Variants in CUX1 observed in about 807,000 individuals in gnomAD.
The protein encoded by CUX1 is cut like homeobox 1, also known as protein CASP.
Under a neutral mutation model 158.8 loss-of-function variants are expected in CUX1, and 31 were observed. The ratio of observed to expected loss-of-function variants is 0.20; its 90% CI spans 0.15 to 0.26. The LOEUF (loss-of-function observed/expected upper bound fraction) is 0.26. CUX1 is among the 10% of genes least tolerant of loss of function. CUX1 has a pLI of 1.00. For synonymous variants in CUX1, 879 were observed against 862.1 expected, an observed-to-expected ratio of 1.02 and a Z score of -0.34; for missense variants, 1,589 against 2,014.6, an observed-to-expected ratio of 0.79 and a Z score of 4.04.
chr7:101,879,295 C>T (rs1024493982), intron 1 of CUX1, among the ~76,000 whole-genome samples: 1 of 152,030 alleles, frequency 6.6e-6, no homozygotes, highest in African/African-American at 2.4e-5. Context: ...CCTGTCCCCC[C>T]TTCACATAGC....
At chr7:101,978,399 C>T (rs906490590) in intron 2 of CUX1, among the ~76,000 whole-genome samples, 3 of 152,200 alleles carry the variant, frequency 2.0e-5, no homozygotes, top group Non-Finnish European at 4.4e-5. Flanking sequence ...CCCCTCCTCT[C>T]CCCCGACATG....
intron 9 of CUX1, among the ~76,000 whole-genome samples, chr7:102,169,223 G>A (rs952569296): frequency 1.8e-4 from 28 of 152,016 alleles, no homozygotes; most frequent in African/African-American, 6.0e-4. Context: ...GTGAGCCACC[G>A]TACCCAGCCA....
chr7:102,056,029 C>G (rs1362774506), intron 3 of CUX1, among the ~76,000 whole-genome samples: 2 of 152,180 alleles, frequency 1.3e-5, no homozygotes, highest in Non-Finnish European at 2.9e-5. Context: ...CAAGCCAAAG[C>G]CCTGACTCTT....
intron 2 of CUX1, among the ~76,000 whole-genome samples, chr7:101,988,062 A>C (rs913419903): frequency 5.9e-5 from 9 of 152,112 alleles, no homozygotes; most frequent in African/African-American, 2.2e-4. Context: ...AAATAGAAAA[A>C]TTAGCTGGGC....
At chr7:101,909,666 C>G (rs1803195833) in intron 1 of CUX1, among the ~76,000 whole-genome samples, 1 of 152,168 alleles carries the variant, frequency 6.6e-6, no homozygotes, top group African/African-American at 2.4e-5. Context: ...CAAGAAACAT[C>G]AGATGAACTC....
At chr7:102,244,269 C>G (rs1460070155) in intron 23 of CUX1, among the ~76,000 whole-genome samples, 1 of 151,946 alleles carries the variant, frequency 6.6e-6, no homozygotes, top group East Asian at 1.9e-4. Context: ...AGTAGATTTT[C>G]TTTTCTCCTG....
intron 1 of CUX1, among the ~76,000 whole-genome samples, chr7:101,836,868 A>ATT: frequency 6.6e-6 from 1 of 152,106 alleles, no homozygotes; most frequent in South Asian, 2.1e-4. Flanking sequence ...GGGGCAGGGG[A>ATT]GACAGAGTAA....
chr7:102,263,262 G>A (rs1790547176), intron 14 of CUX1, among the ~76,000 whole-genome samples: 2 of 147,204 alleles, frequency 1.4e-5, no homozygotes, highest in African/African-American at 5.0e-5. Flanking sequence ...TGATCCACCC[G>A]CCTTGGCATC....
At position 102,166,725 on chromosome 7, in the gene CUX1, T is replaced by G. The variant is rs115913122; in HGVS notation, c.724-3721T>G. On this transcript the variant is annotated intron_variant, in intron 9 of 23. Transcript: ENST00000292535. ...CACTGCCATTAGGCCTGTTTTTAGT[T>G]TGAATTCTCCTGTTTCGTGGATCTC... 3.7e-3 allele frequency among the ~76,000 whole-genome samples: 562 copies of G among 152,298 alleles called. 2 individuals carry two copies. Among genetic ancestry groups the G allele is most frequent in the African/African-American group, 0.013 (545 of 41,564 alleles).
chr7:102,050,177 A>G (rs1585421018), intron 3 of CUX1, among the ~76,000 whole-genome samples: 1 of 152,174 alleles, frequency 6.6e-6, no homozygotes, highest in African/African-American at 2.4e-5. Context: ...GAATCCTGAC[A>G]TCATCATTTG....
intron 1 of CUX1, among the ~76,000 whole-genome samples, chr7:101,832,474 G>A (rs938534813): frequency 3.9e-5 from 6 of 152,168 alleles, no homozygotes; most frequent in East Asian, 1.9e-4. Context: ...GGCGGGCTTC[G>A]TGCAGACGTC....
chr7:101,958,844 CTTTTTT>C (rs10667965), intron 2 of CUX1, among the ~76,000 whole-genome samples: 1 of 65,816 alleles, frequency 1.5e-5, no homozygotes, highest in Non-Finnish European at 2.7e-5. Context: ...AGATGATGCC[CTTTTTT>C]TTTTTTTTTT....
intron 1 of CUX1, among the ~76,000 whole-genome samples, chr7:101,882,301 C>T (rs1799800015): frequency 6.6e-6 from 1 of 152,228 alleles, no homozygotes; most frequent in East Asian, 1.9e-4. Context: ...TGACCAGTCA[C>T]TCAGCACGCC....
chr7:102,127,745 C>G (rs1832802924), intron 8 of CUX1, among the ~76,000 whole-genome samples: 1 of 152,192 alleles, frequency 6.6e-6, no homozygotes, highest in African/African-American at 2.4e-5. Context: ...GCTTTCATTG[C>G]CCTTTGGGGT....
chr7:101,855,667 C>G (rs777873337), intron 1 of CUX1, among the ~76,000 whole-genome samples: 38 of 152,070 alleles, frequency 2.5e-4, no homozygotes, highest in South Asian at 1.0e-3. Context: ...ATCACGAGGT[C>G]AGGAATTCCA....
chr7:101,863,962 C>T (rs1055695665), intron 1 of CUX1, among the ~76,000 whole-genome samples: 2 of 152,132 alleles, frequency 1.3e-5, no homozygotes, highest in South Asian at 2.1e-4. Flanking sequence ...TGGATGCTTG[C>T]GTTGCTTCTA....
intron 5 of CUX1, among the ~76,000 whole-genome samples, chr7:102,103,690 C>T (rs1168435375): frequency 6.6e-6 from 1 of 151,774 alleles, no homozygotes; most frequent in African/African-American, 2.4e-5. Flanking sequence ...TCACGTTGGC[C>T]TCCTAAAGTT....
At chr7:101,923,204 AC>A (rs1424744130) in intron 2 of CUX1, among the ~76,000 whole-genome samples, 1 of 151,798 alleles carries the variant, frequency 6.6e-6, no homozygotes, top group Non-Finnish European at 1.5e-5. Context: ...CCCTGGAGAA[AC>A]CCCCAGTGCT....
intron 2 of CUX1, among the ~76,000 whole-genome samples, chr7:101,972,515 C>T (rs1812090809): frequency 1.3e-5 from 2 of 152,186 alleles, no homozygotes; most frequent in East Asian, 3.9e-4. Flanking sequence ...CGAAAACAGC[C>T]TTGAAGAGGG....
Sources: allele counts gnomAD v4.1 joint callset (sites outside exome capture counted in the v4.1 genomes callset), GRCh38; gene constraint gnomAD v4.1.1; transcripts MANE v1.5; gene names NCBI Gene and HGNC (gene_info 2026-07-23, HGNC 2026-07-21).